Variants in AFF1 observed in about 807,000 individuals in gnomAD.
The protein encoded by AFF1 is ALF transcription elongation factor 1, also known as AF4/FMR2 family member 1.
A neutral mutation model predicts 121.7 loss-of-function variants in AFF1; 48 were observed. That is an observed-to-expected ratio of 0.39 (90% CI 0.31 to 0.50). AFF1 has a LOEUF of 0.50. Ranked by LOEUF, AFF1 falls within the 20% of genes least tolerant of loss-of-function variation. The pLI is 0.76. For missense variants in AFF1, 1,523 were observed against 1,511.7 expected (o/e 1.01, Z -0.12); for synonymous variants, 613 against 563.0 (o/e 1.09, Z -1.26).
chr4:87,106,782 C>A (rs747096396), intron 10 of AFF1, among the ~76,000 whole-genome samples: 84 of 152,200 alleles, frequency 5.5e-4, no homozygotes, highest in African/African-American at 2.0e-3. Context: ...TGTGCTCATC[C>A]ACTCAGAGAC....
chr4:87,015,090 G>A (rs2149545432), intron 2 of AFF1, among the ~76,000 whole-genome samples: 1 of 152,150 alleles, frequency 6.6e-6, no homozygotes, highest in East Asian at 1.9e-4. Context: ...TAATATTGCT[G>A]GGTTTTAGTT....
At chr4:87,027,606 T>C (rs1728646138) in intron 2 of AFF1, among the ~76,000 whole-genome samples, 1 of 152,200 alleles carries the variant, frequency 6.6e-6, no homozygotes, top group South Asian at 2.1e-4. Flanking sequence ...CCAAATTTAA[T>C]AGTTTATTCT....
intron 2 of AFF1, chr4:87,006,885 GGCCGCCGAGC>G (rs1182706966): frequency 3.6e-5 from 33 of 908,140 alleles, no homozygotes; most frequent in Non-Finnish European, 4.1e-5. Context: ...CTTTGGCTAG[GGCCGCCGAGC>G]GCCCTGCCCA....
At chr4:87,000,507 T>C (rs559086505) in intron 2 of AFF1, among the ~76,000 whole-genome samples, 1 of 152,298 alleles carries the variant, frequency 6.6e-6, no homozygotes, top group East Asian at 1.9e-4. Context: ...TAGTGTAAGA[T>C]ATAAACAGGA....
Position 86,995,958 on chromosome 4 carries a change from G to C in AFF1, c.38+47387G>C, listed in dbSNP as rs1254751436. Among the ~76,000 whole-genome samples, 12 of 117,530 alleles carry C rather than the reference G, an allele frequency of 1.0e-4. No individual in the cohort carries two copies. The East Asian group carries it at 1.8e-3, about 17-fold the overall frequency. 77.1% of individuals were successfully genotyped at this position (117,530 alleles called of 152,430 possible). On this transcript the variant is annotated intron_variant, in intron 2 of 20. Coordinates refer to ENST00000395146, the MANE Select transcript of AFF1 (RefSeq NM_001166693.3). Reference sequence around the variant, plus strand: ...GGGATGTGAGGAGCGTCTCTGCCCGGCCGCCCCGTCTGAGAAGTGAGGAGC... The same window carrying C: ...GGGATGTGAGGAGCGTCTCTGCCCGCCCGCCCCGTCTGAGAAGTGAGGAGC...
chr4:86,963,944 A>C, intron 2 of AFF1, among the ~76,000 whole-genome samples: 1 of 142,542 alleles, frequency 7.0e-6, no homozygotes, highest in South Asian at 2.3e-4. Context: ...TACAGGTGTG[A>C]GTCACCATGA....
At chr4:86,961,503 A>G (rs1387889737) in intron 2 of AFF1, among the ~76,000 whole-genome samples, 2 of 151,966 alleles carry the variant, frequency 1.3e-5, no homozygotes, top group Admixed American at 6.6e-5. Context: ...CAGCATGGCT[A>G]CAGTAGTCAG....
At chr4:87,111,549 TC>T (rs1434214535) in intron 11 of AFF1, among the ~76,000 whole-genome samples, 1 of 151,926 alleles carries the variant, frequency 6.6e-6, no homozygotes, top group South Asian at 2.1e-4. Flanking sequence ...AGACGGGGTT[TC>T]ACCATGTTGG....
intron 1 of AFF1, among the ~76,000 whole-genome samples, chr4:86,940,857 G>A (rs1720405192): frequency 1.3e-5 from 2 of 152,002 alleles, no homozygotes; most frequent in Admixed American, 1.3e-4. Context: ...GGAGGCTAAG[G>A]TGGGTGGATC....
At chr4:87,018,153 A>G (rs777471014) in intron 2 of AFF1, among the ~76,000 whole-genome samples, 2 of 152,338 alleles carry the variant, frequency 1.3e-5, no homozygotes, top group Non-Finnish European at 1.5e-5. Flanking sequence ...AGTGTTTTTC[A>G]TGTTATCTGT....
At chr4:87,041,819 C>T (rs748249165) in intron 2 of AFF1, among the ~76,000 whole-genome samples, 9 of 151,350 alleles carry the variant, frequency 5.9e-5, no homozygotes, top group African/African-American at 2.2e-4. Context: ...GTTTGAGACC[C>T]GTGTGGCCAA....
intron 8 of AFF1, among the ~76,000 whole-genome samples, chr4:87,104,491 TC>T (rs1560628229): frequency 6.6e-6 from 1 of 152,228 alleles, no homozygotes; most frequent in Non-Finnish European, 1.5e-5. Context: ...TAGAAACTTA[TC>T]CCAGTATGTT....
At position 87,078,605 on chromosome 4, in the gene AFF1, C is replaced by G. The variant is rs150659905; in HGVS notation, c.1060-5515C>G. ...GATGTCTTTCATCTGCAACCTGAAG[C>G]TTTAGTAGGAATTATCCCTGACACA... On this transcript the variant is annotated intron_variant, in intron 4 of 20. Transcript: ENST00000395146. Among the ~76,000 whole-genome samples, 467 of 152,258 alleles carry G rather than the reference C, an allele frequency of 3.1e-3. 3 individuals carry two copies. Among genetic ancestry groups the G allele is most frequent in the African/African-American group, 0.011 (448 of 41,550 alleles).
At chr4:87,129,000 C>T (rs74451549) in intron 16 of AFF1, among the ~76,000 whole-genome samples, 3,031 of 152,266 alleles carry the variant, frequency 0.02, 111 homozygotes, top group African/African-American at 0.069. Context: ...TAAGATTTCT[C>T]GTTATTCAAA....
At chr4:87,075,576 A>G (rs1241843672) in intron 4 of AFF1, among the ~76,000 whole-genome samples, 1 of 151,896 alleles carries the variant, frequency 6.6e-6, no homozygotes, top group African/African-American at 2.4e-5. Context: ...TGATATACCT[A>G]CCCTCCCCAA....
At chr4:87,010,196 G>A (rs1726593183) in intron 2 of AFF1, among the ~76,000 whole-genome samples, 1 of 152,170 alleles carries the variant, frequency 6.6e-6, no homozygotes, top group South Asian at 2.1e-4. Flanking sequence ...CCTAAGAGTA[G>A]GAAATTTGTT....
intron 2 of AFF1, among the ~76,000 whole-genome samples, chr4:87,016,117 G>A (rs1275053535): frequency 6.6e-6 from 1 of 152,086 alleles, no homozygotes; most frequent in African/African-American, 2.4e-5. Context: ...GGAGGTGGAG[G>A]TTGCAGTTAG....
Position 87,124,036 on chromosome 4 carries a change from C to T in AFF1, c.2467-1001C>T, listed in dbSNP as rs894359028. On this transcript the variant is annotated intron_variant, in intron 12 of 20. Transcript: ENST00000395146. Reference sequence around the variant, plus strand: ...TGTGGGCTTCCTCCTGAACCCAGAGCCATGGGAAGGAGGCCGTCAGGGAGT... The same window carrying T: ...TGTGGGCTTCCTCCTGAACCCAGAGTCATGGGAAGGAGGCCGTCAGGGAGT... 2.6e-5 allele frequency among the ~76,000 whole-genome samples: 4 copies of T among 152,276 alleles called. No individual in the cohort carries two copies. The East Asian group carries it at 7.7e-4, about 29-fold the overall frequency.
At chr4:86,979,443 A>G (rs1194366468) in intron 2 of AFF1, among the ~76,000 whole-genome samples, 1 of 152,184 alleles carries the variant, frequency 6.6e-6, no homozygotes, top group African/African-American at 2.4e-5. Flanking sequence ...CTGTAGCAAA[A>G]TCCTCAATAA....
Sources: allele counts gnomAD v4.1 joint callset (sites outside exome capture counted in the v4.1 genomes callset), GRCh38; gene constraint gnomAD v4.1.1; transcripts MANE v1.5; gene names NCBI Gene and HGNC (gene_info 2026-07-23, HGNC 2026-07-21).